USP6NL: variants seen among roughly 807,000 people sequenced by gnomAD.
USP6NL encodes the protein USP6 N-terminal-like protein.
A neutral mutation model predicts 61.9 loss-of-function variants in USP6NL; 26 were observed. The ratio of observed to expected loss-of-function variants is 0.42; its 90% CI spans 0.31 to 0.58. The LOEUF is 0.58. Ranked by LOEUF, USP6NL falls within the 20% of genes least tolerant of loss-of-function variation. The pLI is 0.16. For synonymous variants in USP6NL, 432 were observed against 390.1 expected (o/e 1.11, Z -1.27); for missense variants, 1,114 against 1,034.3 (o/e 1.08, Z -1.06).
intron 2 of USP6NL, among the ~76,000 whole-genome samples, chr10:11,539,081 G>A (rs1835948163): frequency 6.6e-6 from 1 of 152,170 alleles, no homozygotes; most frequent in Non-Finnish European, 1.5e-5. Context: ...AGGACATGTG[G>A]GGTCAATGGT....
At chr10:11,584,721 G>A (rs549011305) in intron 2 of USP6NL, among the ~76,000 whole-genome samples, 173 of 152,176 alleles carry the variant, frequency 1.1e-3, no homozygotes, top group African/African-American at 3.7e-3. Flanking sequence ...CAGATCACTC[G>A]AGCCCAGGAG....
chr10:11,521,163 T>C (rs907471281), intron 4 of USP6NL, among the ~76,000 whole-genome samples: 1 of 152,106 alleles, frequency 6.6e-6, no homozygotes, highest in Admixed American at 6.6e-5. Context: ...AAAGTTAACT[T>C]GTTAAAATTA....
chr10:11,550,998 T>C (rs972655109), intron 2 of USP6NL, among the ~76,000 whole-genome samples: 3 of 152,158 alleles, frequency 2.0e-5, no homozygotes, highest in African/African-American at 4.8e-5. Context: ...GCTAAGGATA[T>C]GGAGCATCTA....
chr10:11,482,047 A>G lies in USP6NL; in HGVS notation c.926-125T>C, dbSNP rs887653497. 1 of 933,112 alleles carries G rather than the reference A, an allele frequency of 1.1e-6. No individual in the cohort carries two copies. The highest frequency in any genetic ancestry group is 1.5e-6 in the Non-Finnish European group (1 of 656,816). 57.8% of individuals were successfully genotyped at this position (933,112 alleles called of 1,614,324 possible). A position where few individuals can be genotyped will look rare whatever the true frequency, so the allele number is the denominator to read the frequency against. On this transcript the variant is annotated intron_variant, in intron 13 of 14. Coordinates refer to ENST00000609104, the MANE Select transcript of USP6NL (RefSeq NM_014688.5). The surrounding 1 kb of genome is among the most constrained non-coding windows in gnomAD (Gnocchi z 4.0). ...AGGGCGCAAGCAGCATACAACTTAC[A>G]TATGGCATTGAGGACATCATTAAAA...
intron 14 of USP6NL, among the ~76,000 whole-genome samples, chr10:11,480,700 ATTTTC>A (rs1057101226): frequency 6.6e-6 from 1 of 152,182 alleles, no homozygotes; most frequent in African/African-American, 2.4e-5. Context: ...GGAAAAATGT[ATTTTC>A]CATGGAAGTA....
intron 14 of USP6NL, among the ~76,000 whole-genome samples, chr10:11,479,783 G>A (rs1439574889): frequency 2.0e-5 from 3 of 152,060 alleles, no homozygotes; most frequent in Admixed American, 1.3e-4. Flanking sequence ...CACCGTGTTA[G>A]CCAGGATGGT....
Position 11,489,037 on chromosome 10 carries a change from G to C in USP6NL, c.664+65C>G. On this transcript the variant is annotated intron_variant, in intron 10 of 14. Coordinates refer to ENST00000609104, the MANE Select transcript of USP6NL (RefSeq NM_014688.5). The surrounding 1 kb of genome is among the most constrained non-coding windows in gnomAD (Gnocchi z 5.7). Reference sequence around the variant, plus strand: ...GTATGTAACTCTTGCAAGCATCTTTGGTTTTGTTTTAATCTACTTTTTTCC... The same window carrying C: ...GTATGTAACTCTTGCAAGCATCTTTCGTTTTGTTTTAATCTACTTTTTTCC... 1 of 1,584,234 alleles carries C rather than the reference G, an allele frequency of 6.3e-7. No homozygotes were observed. Among genetic ancestry groups the C allele is most frequent in the Admixed American group, 1.7e-5 (1 of 57,882 alleles).
At chr10:11,479,106 C>G (rs540808552) in intron 14 of USP6NL, among the ~76,000 whole-genome samples, 115 of 152,234 alleles carry the variant, frequency 7.6e-4, no homozygotes, top group Non-Finnish European at 1.4e-3. Context: ...TGAAGTTGTA[C>G]CCATAAGCAC....
chr10:11,538,214 G>C (rs1053776166), intron 2 of USP6NL, among the ~76,000 whole-genome samples: 1 of 152,154 alleles, frequency 6.6e-6, no homozygotes, highest in Non-Finnish European at 1.5e-5. Flanking sequence ...AACAAATGCT[G>C]ACAAGATTTT....
chr10:11,481,187 T>C lies in USP6NL; in HGVS notation c.1078+583A>G, dbSNP rs115353276. 1.3e-5 allele frequency among the ~76,000 whole-genome samples: 2 copies of C among 152,148 alleles called. No homozygotes were observed. The highest frequency in any genetic ancestry group is 1.5e-5 in the Non-Finnish European group (1 of 68,026). On this transcript the variant is annotated intron_variant, in intron 14 of 14. Transcript: ENST00000609104. The surrounding 1 kb of genome is among the most constrained non-coding windows in gnomAD (Gnocchi z 4.4). ...AAAGTAGTACCTAGCAGAAAACCTA[T>C]TAGTAGGTGCTGAAAAATGTCTTAC...
rs1307544846 is a variant in USP6NL at position 11,465,522 on chromosome 10, G to T, written c.1079-1673C>A. 6.6e-6 allele frequency among the ~76,000 whole-genome samples: 1 copy of T among 152,166 alleles called. No homozygotes were observed. The highest frequency in any genetic ancestry group is 2.4e-5 in the African/African-American group (1 of 41,436). Reference sequence around the variant, plus strand: ...TAGCTCACATGAAATAATTTAAAATGTCTTTTAAGATTCTCCATAGCAGTA... The same window carrying T: ...TAGCTCACATGAAATAATTTAAAATTTCTTTTAAGATTCTCCATAGCAGTA... On this transcript the variant is annotated intron_variant, in intron 14 of 14. Coordinates refer to ENST00000609104, the MANE Select transcript of USP6NL (RefSeq NM_014688.5). The surrounding 1 kb of genome is among the most constrained non-coding windows in gnomAD (Gnocchi z 4.5).
chr10:11,590,022 C>T (rs1838110039), intron 2 of USP6NL, among the ~76,000 whole-genome samples: 1 of 152,156 alleles, frequency 6.6e-6, no homozygotes, highest in Non-Finnish European at 1.5e-5. Context: ...TTCATTTTCA[C>T]CTGACCTCCT....
intron 2 of USP6NL, among the ~76,000 whole-genome samples, chr10:11,556,678 A>C (rs1451218077): frequency 6.6e-6 from 1 of 152,236 alleles, no homozygotes. Context: ...CAGGAGATAC[A>C]AAGTAACATT....
intron 2 of USP6NL, among the ~76,000 whole-genome samples, chr10:11,586,790 GCC>G (rs756941078): frequency 2.1e-4 from 26 of 121,386 alleles, no homozygotes; most frequent in Non-Finnish European, 3.8e-4. Flanking sequence ...GGGAGTACTT[GCC>G]TAAACTAAAC....
At chr10:11,466,115 G>A (rs1471236443) in intron 14 of USP6NL, among the ~76,000 whole-genome samples, 2 of 152,176 alleles carry the variant, frequency 1.3e-5, no homozygotes, top group Non-Finnish European at 2.9e-5. Context: ...ATGTCTTGTG[G>A]TCACCAATTT....
In USP6NL at chr10:11,482,779, A is replaced by C. The variant is rs535789403; in HGVS notation, c.926-857T>G. Among the ~76,000 whole-genome samples, 15 of 152,340 alleles carry C rather than the reference A, an allele frequency of 9.8e-5. No homozygotes were observed. Among genetic ancestry groups the C allele is most frequent in the African/African-American group, 2.6e-4 (11 of 41,586 alleles). On this transcript the variant is annotated intron_variant, in intron 13 of 14. Coordinates refer to ENST00000609104, the MANE Select transcript of USP6NL (RefSeq NM_014688.5). The surrounding 1 kb of genome is among the most constrained non-coding windows in gnomAD (Gnocchi z 4.0). ...ACAACGTATTTTTAAGACAATCAGT[A>C]AGAAAAAAAAGAAAAAGGAAAAAAT...
At chr10:11,480,710 G>A (rs555824625) in intron 14 of USP6NL, among the ~76,000 whole-genome samples, 92 of 152,310 alleles carry the variant, frequency 6.0e-4, no homozygotes, top group African/African-American at 2.2e-3. Context: ...ATTTTCCATG[G>A]AAGTACTGCT....
At chr10:11,555,433 A>ATATATATATATAT (rs1555171083) in intron 2 of USP6NL, among the ~76,000 whole-genome samples, 4 of 49,026 alleles carry the variant, frequency 8.2e-5, no homozygotes, top group African/African-American at 9.4e-5. Flanking sequence ...AAAAAAAAAA[A>ATATATATATATAT]ATATATATAT....
chr10:11,473,679 C>T (rs566915935), intron 14 of USP6NL, among the ~76,000 whole-genome samples: 1 of 152,308 alleles, frequency 6.6e-6, no homozygotes, highest in African/African-American at 2.4e-5. Flanking sequence ...TACCAACTGT[C>T]TGACCTCGGG....
Sources: gnomAD v4.1 joint callset for allele counts (sites outside exome capture counted in the v4.1 genomes callset) on GRCh38, gnomAD v4.1.1 for gene constraint, Gnocchi (gnomAD v3.1) non-coding constraint, MANE v1.5 for transcripts, NCBI Gene and HGNC (gene_info 2026-07-23, HGNC 2026-07-21) for gene names.